The following LINGO2 variants were observed in gnomAD, a reference collection of about 807,000 sequenced individuals.
The protein encoded by LINGO2 is leucine rich repeat and Ig domain containing 2.
In LINGO2, 14 loss-of-function variants were observed where a neutral mutation model predicts 30.6. That is an observed-to-expected ratio of 0.46 (90% CI 0.30 to 0.72). The LOEUF is 0.72. Among genes scored for constraint, LINGO2 ranks in the 30% least tolerant of loss-of-function variants. The pLI is 0.07. For synonymous variants in LINGO2, 317 were observed against 288.5 expected (o/e 1.10, Z -1.00); for missense variants, 729 against 751.7 (o/e 0.97, Z 0.35).
chr9:28,861,292 TTA>T, the LINGO2 span, among the ~76,000 whole-genome samples: 1 of 126,646 alleles, frequency 7.9e-6, no homozygotes, highest in Admixed American at 1.0e-4. Flanking sequence ...ATTATATATT[TTA>T]TATATTATAT....
the LINGO2 span, among the ~76,000 whole-genome samples, chr9:28,853,572 G>A: frequency 2.0e-5 from 3 of 151,898 alleles, no homozygotes; most frequent in African/African-American, 4.8e-5. Flanking sequence ...TACCCCAAAC[G>A]GGGTAATTTA....
intron 2 of LINGO2, among the ~76,000 whole-genome samples, chr9:28,381,249 A>C (rs1821344406): frequency 6.6e-6 from 1 of 152,104 alleles, no homozygotes; most frequent in South Asian, 2.1e-4. Flanking sequence ...AAACAAAAAC[A>C]ATTGCAGACT....
At chr9:29,123,026 C>G in the LINGO2 span, among the ~76,000 whole-genome samples, 815 of 152,150 alleles carry the variant, frequency 5.4e-3, 9 homozygotes, top group African/African-American at 0.019. Flanking sequence ...TAATTCATTT[C>G]CAAGTGAAAC....
At chr9:28,564,452 A>G (rs1823261859) in intron 1 of LINGO2, among the ~76,000 whole-genome samples, 1 of 152,070 alleles carries the variant, frequency 6.6e-6, no homozygotes, top group Non-Finnish European at 1.5e-5. Context: ...CCCTACCTCT[A>G]TCTTAGATTA....
At chr9:28,774,989 TG>T in the LINGO2 span, among the ~76,000 whole-genome samples, 2 of 125,174 alleles carry the variant, frequency 1.6e-5, no homozygotes, top group African/African-American at 7.0e-5. Flanking sequence ...GTCAAAGCTT[TG>T]CTTTTTTAGT....
chr9:28,048,836 ATATG>A (rs1563942601), intron 4 of LINGO2, among the ~76,000 whole-genome samples: 2 of 150,028 alleles, frequency 1.3e-5, no homozygotes, highest in African/African-American at 5.0e-5. Flanking sequence ...AGCAACATAT[ATATG>A]TAACTATATA....
the LINGO2 span, among the ~76,000 whole-genome samples, chr9:28,709,997 T>C: frequency 1.3e-5 from 2 of 151,644 alleles, no homozygotes; most frequent in Non-Finnish European, 2.9e-5. Context: ...TTGTGAATAA[T>C]ACAAATTCTA....
intron 4 of LINGO2, among the ~76,000 whole-genome samples, chr9:28,021,655 T>G (rs1275238340): frequency 6.6e-6 from 1 of 152,138 alleles, no homozygotes; most frequent in Non-Finnish European, 1.5e-5. Flanking sequence ...GTTTTGCCTC[T>G]TATTTTGATG....
At chr9:28,275,304 A>C (rs1823079315) in intron 4 of LINGO2, among the ~76,000 whole-genome samples, 1 of 151,838 alleles carries the variant, frequency 6.6e-6, no homozygotes, top group Non-Finnish European at 1.5e-5. Flanking sequence ...CGACCTCCTG[A>C]CCTCATGATC....
chr9:28,731,649 TTC>T, the LINGO2 span, among the ~76,000 whole-genome samples: 1 of 152,132 alleles, frequency 6.6e-6, no homozygotes, highest in East Asian at 1.9e-4. Flanking sequence ...ATAGCTGCTG[TTC>T]TGTTTGTTGA....
At chr9:28,498,610 A>G (rs1201053158) in intron 1 of LINGO2, among the ~76,000 whole-genome samples, 1 of 152,080 alleles carries the variant, frequency 6.6e-6, no homozygotes, top group Non-Finnish European at 1.5e-5. Flanking sequence ...CTTCCCGGGT[A>G]AGGCTATGCC....
intron 4 of LINGO2, among the ~76,000 whole-genome samples, chr9:28,045,806 A>G (rs1337076150): frequency 2.6e-5 from 4 of 152,204 alleles, no homozygotes; most frequent in Admixed American, 6.5e-5. Context: ...GTGGAGAGAC[A>G]TATGGGTAAG....
chr9:28,345,372 T>G (rs1819526661), intron 3 of LINGO2, among the ~76,000 whole-genome samples: 1 of 152,152 alleles, frequency 6.6e-6, no homozygotes, highest in Non-Finnish European at 1.5e-5. Flanking sequence ...AAGGGTATCA[T>G]GAACTGAAAA....
intron 4 of LINGO2, among the ~76,000 whole-genome samples, chr9:28,199,535 T>A (rs1372482627): frequency 1.3e-5 from 2 of 152,084 alleles, no homozygotes; most frequent in Non-Finnish European, 2.9e-5. Flanking sequence ...AGACGAGGTT[T>A]CACCGTGTTA....
chr9:28,711,501 C>T, the LINGO2 span, among the ~76,000 whole-genome samples: 16,915 of 152,120 alleles, frequency 0.11, 1,164 homozygotes, highest in East Asian at 0.23. Context: ...ACCTAAGCCC[C>T]ACCACACTCC....
At chr9:28,146,875 C>T (rs1827829727) in intron 4 of LINGO2, among the ~76,000 whole-genome samples, 3 of 152,190 alleles carry the variant, frequency 2.0e-5, no homozygotes, top group South Asian at 2.1e-4. Context: ...TCCAGGAAGA[C>T]CAGAGAAACT....
chr9:28,788,775 T>C, the LINGO2 span, among the ~76,000 whole-genome samples: 1 of 152,136 alleles, frequency 6.6e-6, no homozygotes. Context: ...TGGGAGAAAC[T>C]GCCCCCATGA....
At chr9:28,880,568 T>C in the LINGO2 span, among the ~76,000 whole-genome samples, 1 of 152,124 alleles carries the variant, frequency 6.6e-6, no homozygotes, top group South Asian at 2.1e-4. Context: ...CCAAGGTTTC[T>C]CCCCATGTGA....
At chr9:28,929,040 T>C in the LINGO2 span, among the ~76,000 whole-genome samples, 1 of 152,168 alleles carries the variant, frequency 6.6e-6, no homozygotes, top group South Asian at 2.1e-4. Flanking sequence ...ACAAAAGCAA[T>C]TTCAAATTCA....
Sources: allele counts gnomAD v4.1 joint callset (sites outside exome capture counted in the v4.1 genomes callset), GRCh38; gene constraint gnomAD v4.1.1; transcripts MANE v1.5; gene names NCBI Gene and HGNC (gene_info 2026-07-23, HGNC 2026-07-21).